CCSER1: variants seen among roughly 807,000 people sequenced by gnomAD.
CCSER1 encodes serine-rich coiled-coil domain-containing protein 1.
In CCSER1, 41 loss-of-function variants were observed where a neutral mutation model predicts 82.0. The observed-to-expected ratio is 0.50, with a 90% CI of 0.39 to 0.65. The LOEUF (loss-of-function observed/expected upper bound fraction) is 0.65, where lower values mean the gene tolerates loss of function less well. Among genes scored for constraint, CCSER1 ranks in the 30% least tolerant of loss-of-function variants. CCSER1 has a pLI of 0.00. For missense variants in CCSER1, 1,119 were observed against 1,064.2 expected (o/e 1.05, Z -0.72); for synonymous variants, 414 against 383.9 (o/e 1.08, Z -0.92).
At chr4:91,304,501 T>G (rs1403594723) in intron 10 of CCSER1, among the ~76,000 whole-genome samples, 1 of 152,070 alleles carries the variant, frequency 6.6e-6, no homozygotes. Context: ...TTTTATACAC[T>G]GAGATCATCA....
At chr4:90,961,681 C>G (rs1221761930) in intron 9 of CCSER1, among the ~76,000 whole-genome samples, 1 of 151,856 alleles carries the variant, frequency 6.6e-6, no homozygotes, top group Non-Finnish European at 1.5e-5. Context: ...TAAGTAAGTA[C>G]ATTTATATTC....
At chr4:91,496,364 G>C (rs1758807227) in intron 10 of CCSER1, among the ~76,000 whole-genome samples, 1 of 150,296 alleles carries the variant, frequency 6.7e-6, no homozygotes, top group Non-Finnish European at 1.5e-5. Context: ...AAGCCTTATG[G>C]TATAAAATGC....
At chr4:91,127,074 C>T (rs1341585961) in intron 10 of CCSER1, among the ~76,000 whole-genome samples, 1 of 151,918 alleles carries the variant, frequency 6.6e-6, no homozygotes, top group Non-Finnish European at 1.5e-5. Flanking sequence ...ATCATCATCC[C>T]TGGACAGCAA....
chr4:91,305,648 A>AGTGT (rs1745001419), intron 10 of CCSER1, among the ~76,000 whole-genome samples: 1 of 147,908 alleles, frequency 6.8e-6, no homozygotes, highest in African/African-American at 2.6e-5. Context: ...TGTTTTTGTC[A>AGTGT]GTGTGTATGT....
intron 5 of CCSER1, among the ~76,000 whole-genome samples, chr4:90,536,434 C>A (rs1469375453): frequency 6.6e-6 from 1 of 152,168 alleles, no homozygotes; most frequent in East Asian, 1.9e-4. Flanking sequence ...AGTGTATATA[C>A]TGTAATTGAG....
intron 4 of CCSER1, among the ~76,000 whole-genome samples, chr4:90,402,706 C>T (rs188687181): frequency 3.4e-4 from 52 of 152,192 alleles, no homozygotes; most frequent in East Asian, 1.7e-3. Context: ...ACCACAATGA[C>T]GAGAAAATAA....
At chr4:90,381,511 A>G (rs182878068) in intron 3 of CCSER1, among the ~76,000 whole-genome samples, 1 of 152,248 alleles carries the variant, frequency 6.6e-6, no homozygotes, top group African/African-American at 2.4e-5. Context: ...AAACAAATTT[A>G]TATGTAACTA....
At position 90,644,551 on chromosome 4, in the gene CCSER1, C is replaced by T. The variant is rs139136940; in HGVS notation, c.1932+16319C>T. Among the ~76,000 whole-genome samples, 338 of 152,080 alleles carry T rather than the reference C, an allele frequency of 2.2e-3. 3 individuals are homozygous for T. Among genetic ancestry groups the T allele is most frequent in the Non-Finnish European group, 3.9e-3 (263 of 67,996 alleles). ...GATAAACGTGTGCCATGGTGGTTTACTGCATCTATAGACCCATCACCTAGG... is the reference window on the plus strand; with the variant it reads ...GATAAACGTGTGCCATGGTGGTTTATTGCATCTATAGACCCATCACCTAGG... On this transcript the variant is annotated intron_variant, in intron 6 of 10. Transcript: ENST00000509176.
intron 1 of CCSER1, among the ~76,000 whole-genome samples, chr4:90,146,082 A>G (rs1725756034): frequency 6.6e-6 from 1 of 152,078 alleles, no homozygotes; most frequent in African/African-American, 2.4e-5. Flanking sequence ...AAGTGGGAAA[A>G]ATGTTTCAAA....
intron 1 of CCSER1, among the ~76,000 whole-genome samples, chr4:90,289,239 T>A (rs1399648189): frequency 6.6e-6 from 1 of 151,928 alleles, no homozygotes; most frequent in Non-Finnish European, 1.5e-5. Context: ...GGCTTGACAG[T>A]ATTGATGAAA....
At chr4:90,933,830 T>C (rs995230224) in intron 9 of CCSER1, among the ~76,000 whole-genome samples, 1 of 151,986 alleles carries the variant, frequency 6.6e-6, no homozygotes, top group South Asian at 2.1e-4. Context: ...TATTTTACTG[T>C]AATGTTAATG....
intron 7 of CCSER1, among the ~76,000 whole-genome samples, chr4:90,733,303 G>T (rs978475251): frequency 1.3e-5 from 2 of 152,086 alleles, no homozygotes; most frequent in African/African-American, 4.8e-5. Context: ...AGCACCTTTT[G>T]ATATATGTGT....
At chr4:90,213,200 G>A (rs950379024) in intron 1 of CCSER1, among the ~76,000 whole-genome samples, 1 of 152,152 alleles carries the variant, frequency 6.6e-6, no homozygotes, top group African/African-American at 2.4e-5. Context: ...TGGAGAGAGA[G>A]TCATAAGGAA....
intron 9 of CCSER1, among the ~76,000 whole-genome samples, chr4:90,973,369 C>A (rs1735300177): frequency 1.3e-5 from 2 of 151,622 alleles, no homozygotes; most frequent in African/African-American, 4.8e-5. Flanking sequence ...TCAGTCATTT[C>A]TCCAAATAAG....
chr4:90,466,757 G>A (rs529031124), intron 4 of CCSER1, among the ~76,000 whole-genome samples: 1 of 152,304 alleles, frequency 6.6e-6, no homozygotes, highest in South Asian at 2.1e-4. Flanking sequence ...TCTATTGTTG[G>A]TAATGCAAAT....
At chr4:90,193,508 A>G (rs1442800425) in intron 1 of CCSER1, among the ~76,000 whole-genome samples, 3 of 152,018 alleles carry the variant, frequency 2.0e-5, no homozygotes, top group Admixed American at 2.0e-4. Flanking sequence ...ATAATAATAG[A>G]AACAACTTGG....
intron 10 of CCSER1, among the ~76,000 whole-genome samples, chr4:91,169,763 TAA>T (rs547244651): frequency 1.4e-5 from 2 of 147,998 alleles, no homozygotes; most frequent in African/African-American, 4.9e-5. Flanking sequence ...TTCTGGTAAT[TAA>T]AAAAAAAAAA....
At chr4:90,187,259 A>G (rs1006259283) in intron 1 of CCSER1, among the ~76,000 whole-genome samples, 1 of 151,956 alleles carries the variant, frequency 6.6e-6, no homozygotes, top group Non-Finnish European at 1.5e-5. Context: ...ACACTGCATC[A>G]TAGATTGGAG....
At chr4:91,306,059 T>TTG (rs70965483) in intron 10 of CCSER1, among the ~76,000 whole-genome samples, 60,347 of 139,392 alleles carry the variant, frequency 0.43, 12,972 homozygotes, top group South Asian at 0.55. Flanking sequence ...ATCAGTGTGT[T>TTG]TGTGTGTGTG....
Sources: gnomAD v4.1 joint callset for allele counts (sites outside exome capture counted in the v4.1 genomes callset) on GRCh38, gnomAD v4.1.1 for gene constraint, MANE v1.5 for transcripts, NCBI Gene and HGNC (gene_info 2026-07-23, HGNC 2026-07-21) for gene names.